GSG1L: variants seen among roughly 807,000 people sequenced by gnomAD.
GSG1L encodes GSG1 like.
GSG1L carries 24 observed loss-of-function variants against 42.1 expected under a neutral mutation model. That is an observed-to-expected ratio of 0.57 (90% CI 0.41 to 0.80). The LOEUF is 0.80. Among genes scored for constraint, GSG1L ranks in the 30% least tolerant of loss-of-function variants. The pLI, the probability that GSG1L is intolerant of heterozygous loss-of-function variation, is 0.00. For missense variants in GSG1L, 445 were observed against 472.2 expected (o/e 0.94, Z 0.53); for synonymous variants, 215 against 203.5 (o/e 1.06, Z -0.48).
chr16:27,984,968 G>A (rs1292047949), intron 1 of GSG1L, among the ~76,000 whole-genome samples: 2 of 152,052 alleles, frequency 1.3e-5, no homozygotes, highest in Non-Finnish European at 2.9e-5. Context: ...ATGTTGCTCA[G>A]GCTGGTCTCG....
intron 1 of GSG1L, among the ~76,000 whole-genome samples, chr16:27,970,313 T>C (rs529357740): frequency 3.9e-5 from 6 of 152,018 alleles, no homozygotes; most frequent in Admixed American, 1.3e-4. Context: ...GGCTCACGCC[T>C]GTAATCCCAA....
intron 3 of GSG1L, among the ~76,000 whole-genome samples, chr16:27,879,186 C>T (rs563716485): frequency 6.6e-6 from 1 of 152,324 alleles, no homozygotes; most frequent in East Asian, 1.9e-4. Context: ...GAGCCTTTAT[C>T]ACATCTCAGT....
intron 3 of GSG1L, among the ~76,000 whole-genome samples, chr16:27,854,693 G>A (rs1482659016): frequency 6.6e-6 from 1 of 152,136 alleles, no homozygotes; most frequent in Admixed American, 6.5e-5. Flanking sequence ...GTCCACCTGT[G>A]TTCATCTGTG....
chr16:27,824,985 C>T (rs1383862014), intron 5 of GSG1L, among the ~76,000 whole-genome samples: 1 of 152,258 alleles, frequency 6.6e-6, no homozygotes, highest in African/African-American at 2.4e-5. Context: ...CCATCCACAG[C>T]CTGGGACGAG....
At chr16:27,983,851 A>G (rs2085351117) in intron 1 of GSG1L, among the ~76,000 whole-genome samples, 1 of 152,198 alleles carries the variant, frequency 6.6e-6, no homozygotes, top group African/African-American at 2.4e-5. Context: ...GCTTGCAGGA[A>G]AACAGCCTGT....
chr16:27,973,972 G>A (rs1000757262), intron 1 of GSG1L, among the ~76,000 whole-genome samples: 9 of 152,086 alleles, frequency 5.9e-5, no homozygotes, highest in East Asian at 1.9e-4. Flanking sequence ...GCCTGGGAAC[G>A]GCCTCATTTT....
intron 2 of GSG1L, among the ~76,000 whole-genome samples, chr16:27,935,806 A>C (rs894030141): frequency 6.7e-6 from 1 of 148,966 alleles, no homozygotes; most frequent in African/African-American, 2.5e-5. Context: ...TGTAGACAGA[A>C]CCGGACACAA....
chr16:28,022,570 G>T (rs967437682), intron 1 of GSG1L, among the ~76,000 whole-genome samples: 1 of 152,132 alleles, frequency 6.6e-6, no homozygotes, highest in Non-Finnish European at 1.5e-5. Flanking sequence ...CGCCTTCTGG[G>T]TTCAAGCAAT....
intron 1 of GSG1L, among the ~76,000 whole-genome samples, chr16:28,034,673 G>T (rs113132454): frequency 1.2e-4 from 18 of 152,218 alleles, no homozygotes; most frequent in African/African-American, 4.3e-4. Context: ...AGCTGATCTG[G>T]TTTCTCAGCC....
intron 3 of GSG1L, among the ~76,000 whole-genome samples, chr16:27,867,607 C>T (rs2083745338): frequency 6.6e-6 from 1 of 152,250 alleles, no homozygotes; most frequent in African/African-American, 2.4e-5. Context: ...AGGAGCTCAG[C>T]CTTTCCCCTA....
chr16:28,029,426 A>T (rs1327258273), intron 1 of GSG1L, among the ~76,000 whole-genome samples: 1 of 152,210 alleles, frequency 6.6e-6, no homozygotes, highest in Non-Finnish European at 1.5e-5. Flanking sequence ...GGGATCTTCT[A>T]GTCCATCTGG....
At chr16:28,054,664 T>G (rs2086260418) in intron 1 of GSG1L, among the ~76,000 whole-genome samples, 1 of 151,240 alleles carries the variant, frequency 6.6e-6, no homozygotes, top group Non-Finnish European at 1.5e-5. Flanking sequence ...TAATAAAATA[T>G]TATTATTACA....
intron 3 of GSG1L, among the ~76,000 whole-genome samples, chr16:27,881,310 C>G (rs1415184586): frequency 2.1e-5 from 3 of 141,756 alleles, no homozygotes; most frequent in African/African-American, 7.9e-5. Context: ...TGTGCGATCT[C>G]GGTTCACTGC....
At chr16:27,932,936 G>T (rs548148008) in intron 2 of GSG1L, among the ~76,000 whole-genome samples, 1 of 152,150 alleles carries the variant, frequency 6.6e-6, no homozygotes, top group South Asian at 2.1e-4. Flanking sequence ...AAGGTAACCC[G>T]CCCAACCTGC....
chr16:27,830,668 A>G (rs2083264921), intron 4 of GSG1L, among the ~76,000 whole-genome samples: 1 of 152,116 alleles, frequency 6.6e-6, no homozygotes, highest in Non-Finnish European at 1.5e-5. Context: ...CATGTGACTC[A>G]CCACCCCCCA....
intron 2 of GSG1L, among the ~76,000 whole-genome samples, chr16:27,924,170 AATAT>A (rs2141066195): frequency 6.6e-6 from 1 of 151,702 alleles, no homozygotes; most frequent in Non-Finnish European, 1.5e-5. Context: ...TATATGCACA[AATAT>A]ATATAATGTC....
intron 1 of GSG1L, among the ~76,000 whole-genome samples, chr16:28,014,779 A>G (rs1268941958): frequency 1.3e-5 from 2 of 150,828 alleles, no homozygotes; most frequent in East Asian, 3.9e-4. Flanking sequence ...GATTACAGGC[A>G]TTAACCACCG....
At chr16:27,791,953 A>G (rs2082759730) in intron 6 of GSG1L, among the ~76,000 whole-genome samples, 2 of 151,908 alleles carry the variant, frequency 1.3e-5, no homozygotes, top group African/African-American at 2.4e-5. Flanking sequence ...CCCACCTGAC[A>G]GCCACGACAG....
intron 3 of GSG1L, among the ~76,000 whole-genome samples, chr16:27,863,552 A>C (rs2083680279): frequency 6.6e-6 from 1 of 152,184 alleles, no homozygotes; most frequent in Non-Finnish European, 1.5e-5. Flanking sequence ...TGATGAATTT[A>C]ACCCAGTTAC....
Sources: gnomAD v4.1 joint callset for allele counts (sites outside exome capture counted in the v4.1 genomes callset) on GRCh38, gnomAD v4.1.1 for gene constraint, MANE v1.5 for transcripts, NCBI Gene and HGNC (gene_info 2026-07-23, HGNC 2026-07-21) for gene names.